RAD54L2: variants seen among roughly 807,000 people sequenced by gnomAD.
RAD54L2 encodes RAD54 like 2.
A neutral mutation model predicts 138.4 loss-of-function variants in RAD54L2; 27 were observed. That is an observed-to-expected ratio of 0.20 (90% CI 0.14 to 0.27). RAD54L2 has a LOEUF of 0.27. Ranked by LOEUF, RAD54L2 falls within the 10% of genes least tolerant of loss-of-function variation. RAD54L2 has a pLI of 1.00. For synonymous variants in RAD54L2, 644 were observed against 723.2 expected, an observed-to-expected ratio of 0.89 and a Z score of 1.76; for missense variants, 1,396 against 1,890.2, an observed-to-expected ratio of 0.74 and a Z score of 4.85.
At position 51,660,072 on chromosome 3, in the gene RAD54L2, A is replaced by C; in HGVS notation, c.3363A>C (p.Ala1121=). The C allele has an allele frequency of 6.2e-7, 1 of 1,600,882 alleles. No individual in the cohort carries two copies. Among genetic ancestry groups the C allele is most frequent in the South Asian group, 1.1e-5 (1 of 90,498 alleles). ...TSDGRIFAVR[A]TGKPKVPEDG... ...ATGGACGGATCTTTGCTGTCCGGGC[A>C]ACTGGCAAACCAAAGGTTCCTGAAG... The change falls in exon 22 of 23, where the codon GCA becomes GCC. Residue 1121 remains alanine (A), a synonymous_variant. Coordinates refer to ENST00000684192, the MANE Select transcript of RAD54L2 (RefSeq NM_015106.4).
chr3:51,650,924 A>G (rs1701414066), intron 19 of RAD54L2, among the ~76,000 whole-genome samples: 1 of 152,248 alleles, frequency 6.6e-6, no homozygotes, highest in Admixed American at 6.5e-5. Context: ...GAAGGCAAGA[A>G]TAACTGAGAT....
chr3:51,619,052 T>TTTTG (rs576578454), intron 3 of RAD54L2, among the ~76,000 whole-genome samples: 30 of 152,100 alleles, frequency 2.0e-4, no homozygotes, highest in Middle Eastern at 6.8e-3. Flanking sequence ...GCACTATCTT[T>TTTTG]TTTGTTTGTT....
chr3:51,579,136 CCT>C (rs1319478031), intron 2 of RAD54L2, among the ~76,000 whole-genome samples: 1 of 151,864 alleles, frequency 6.6e-6, no homozygotes, highest in African/African-American at 2.4e-5. Flanking sequence ...ACCTGCTTCT[CCT>C]CTCTCTGCAG....
At position 51,635,747 on chromosome 3, in the gene RAD54L2, A is replaced by G. The variant is rs1700969801; in HGVS notation, c.1297A>G (p.Ile433Val). 1 of 1,613,596 alleles carries G rather than the reference A, an allele frequency of 6.2e-7. No homozygotes were observed. The highest frequency in any genetic ancestry group is 1.7e-5 in the Admixed American group (1 of 59,944). The change falls in exon 10 of 23, where the codon ATT becomes GTT. Residue 433 changes from isoleucine to valine, a missense_variant. By Grantham distance (29) the Ile-to-Val change is conservative (BLOSUM62 3). Transcript: ENST00000684192. ...KTKKRSHPVI[I>V]DLDEEDRQQE... is the part of the protein sequence containing the mutation. ...CAAGAAGCGTTCTCACCCAGTCATC[A>G]TTGATCTAGATGAGGAAGATCGGCA...
chr3:51,592,592 CTT>C (rs556907857), intron 3 of RAD54L2, among the ~76,000 whole-genome samples: 1 of 143,550 alleles, frequency 7.0e-6, no homozygotes, highest in Non-Finnish European at 1.5e-5. Flanking sequence ...CCTCTTAAAG[CTT>C]TTTTTTTTTT....
intron 9 of RAD54L2, among the ~76,000 whole-genome samples, chr3:51,634,920 C>T (rs1700947538): frequency 6.6e-6 from 1 of 152,202 alleles, no homozygotes; most frequent in Non-Finnish European, 1.5e-5. Flanking sequence ...GCTAACCTTT[C>T]CCCTCATTGG....
At chr3:51,546,671 T>C (rs1698704137) in intron 2 of RAD54L2, among the ~76,000 whole-genome samples, 1 of 151,840 alleles carries the variant, frequency 6.6e-6, no homozygotes, top group South Asian at 2.1e-4. Flanking sequence ...ACTGAGGCAC[T>C]TTAAATTTAG....
intron 9 of RAD54L2, 146 bp downstream of exon 9, chr3:51,634,181 A>G (rs960397649): frequency 6.2e-6 from 7 of 1,122,728 alleles, no homozygotes; most frequent in South Asian, 1.8e-5. Flanking sequence ...TGTTCTTGCT[A>G]CTCATTTTTT....
intron 2 of RAD54L2, among the ~76,000 whole-genome samples, chr3:51,570,767 A>G (rs1699322199): frequency 6.6e-6 from 1 of 152,128 alleles, no homozygotes; most frequent in Non-Finnish European, 1.5e-5. Flanking sequence ...TATTTTTAAG[A>G]ATCAATGTTT....
At chr3:51,633,476 C>T (rs1031657978) in intron 7 of RAD54L2, 101 bp from the exon 8 acceptor site, 6 of 1,159,320 alleles carry the variant, frequency 5.2e-6, no homozygotes, top group African/African-American at 3.1e-5. Context: ...TCTATTATAA[C>T]GCCTTCTCAC....
At position 51,629,696 on chromosome 3, in the gene RAD54L2, TA is replaced by T. The variant is rs375004528; in HGVS notation, c.481+228del. 3.6e-4 allele frequency among the ~76,000 whole-genome samples: 54 copies of T among 151,302 alleles called. No individual in the cohort carries two copies. In the East Asian group the frequency reaches 0.01, roughly 29 times the overall value. On this transcript the variant is annotated intron_variant, in intron 5 of 22. Transcript: ENST00000684192. ...CAACATGGTGAAACCCCGTCTCTAC[TA>T]AAAATACAAAAAAAAATTAGCCGGG...
chr3:51,583,514 G>T (rs1484243328), intron 2 of RAD54L2, among the ~76,000 whole-genome samples: 1 of 151,524 alleles, frequency 6.6e-6, no homozygotes, highest in Non-Finnish European at 1.5e-5. Flanking sequence ...CCACCTCCCG[G>T]GTTCAAGCAA....
intron 4 of RAD54L2, among the ~76,000 whole-genome samples, chr3:51,628,314 G>A (rs936770994): frequency 5.3e-5 from 8 of 151,216 alleles, no homozygotes; most frequent in Non-Finnish European, 8.8e-5. Flanking sequence ...AAAAAATAAC[G>A]ACAACTTGAA....
At chr3:51,619,909 A>G (rs1310374873) in intron 3 of RAD54L2, among the ~76,000 whole-genome samples, 1 of 152,050 alleles carries the variant, frequency 6.6e-6, no homozygotes, top group Non-Finnish European at 1.5e-5. Context: ...ATCTCTGTGC[A>G]TTATGTATTG....
At chr3:51,650,527 T>C (rs1701403911) in intron 19 of RAD54L2, among the ~76,000 whole-genome samples, 2 of 152,184 alleles carry the variant, frequency 1.3e-5, no homozygotes, top group Admixed American at 1.3e-4. Context: ...ATTGACCACG[T>C]AGTTGGAAGT....
At chr3:51,596,902 C>T (rs1285327332) in intron 3 of RAD54L2, among the ~76,000 whole-genome samples, 10 of 152,174 alleles carry the variant, frequency 6.6e-5, no homozygotes, top group African/African-American at 1.7e-4. Context: ...CAGTGGCTCA[C>T]GCCTATAATC....
intron 2 of RAD54L2, among the ~76,000 whole-genome samples, chr3:51,572,347 G>A (rs1699355325): frequency 6.6e-6 from 1 of 151,762 alleles, no homozygotes; most frequent in South Asian, 2.1e-4. Context: ...CAGCTACTCA[G>A]GAGACTAAGG....
intron 2 of RAD54L2, among the ~76,000 whole-genome samples, chr3:51,578,929 T>G (rs1699544816): frequency 6.6e-6 from 1 of 151,910 alleles, no homozygotes; most frequent in Admixed American, 6.6e-5. Context: ...GAATTGAAGG[T>G]GGTAAATGTG....
intron 2 of RAD54L2, among the ~76,000 whole-genome samples, chr3:51,542,494 G>A (rs1698578244): frequency 6.6e-6 from 1 of 150,956 alleles, no homozygotes; most frequent in Middle Eastern, 3.4e-3. Context: ...TGCCCAGTCT[G>A]GAGTGCAGTG....
Sources: gnomAD v4.1 joint callset for allele counts (sites outside exome capture counted in the v4.1 genomes callset) on GRCh38, gnomAD v4.1.1 for gene constraint, MANE v1.5 for transcripts, NCBI Gene and HGNC (gene_info 2026-07-23, HGNC 2026-07-21) for gene names.